WWOX: variants seen among roughly 807,000 people sequenced by gnomAD.
WWOX encodes WW domain containing oxidoreductase.
A neutral mutation model predicts 46.2 loss-of-function variants in WWOX; 69 were observed. The observed-to-expected ratio is 1.49, with a 90% CI of 1.23 to 1.82. The LOEUF (loss-of-function observed/expected upper bound fraction) is 1.82. WWOX is among the 40% of genes most tolerant of loss of function. The pLI is 0.00. For synonymous variants in WWOX, 359 were observed against 202.6 expected (o/e 1.77, Z -6.56); for missense variants, 919 against 542.6 (o/e 1.69, Z -6.89).
chr16:79,080,999 C>G (rs180694182), intron 8 of WWOX, among the ~76,000 whole-genome samples: 2 of 152,116 alleles, frequency 1.3e-5, no homozygotes, highest in African/African-American at 4.8e-5. Context: ...AACACACACA[C>G]GCACATGCAC....
intron 8 of WWOX, among the ~76,000 whole-genome samples, chr16:78,680,250 A>T (rs955867468): frequency 6.6e-6 from 1 of 152,022 alleles, no homozygotes; most frequent in Non-Finnish European, 1.5e-5. Flanking sequence ...CTCTGCAGAA[A>T]ATACAAAAAT....
At chr16:78,683,788 G>T (rs1227135102) in intron 8 of WWOX, among the ~76,000 whole-genome samples, 1 of 152,102 alleles carries the variant, frequency 6.6e-6, no homozygotes, top group South Asian at 2.1e-4. Context: ...GTGATTTAGG[G>T]CATGAAGAGC....
At chr16:78,159,241 A>G (rs557243243) in intron 4 of WWOX, among the ~76,000 whole-genome samples, 3 of 152,064 alleles carry the variant, frequency 2.0e-5, no homozygotes, top group Non-Finnish European at 2.9e-5. Flanking sequence ...TGTCTTGGCT[A>G]GTATGAATAA....
chr16:78,846,364 A>G (rs1185379922), intron 8 of WWOX, among the ~76,000 whole-genome samples: 2 of 152,054 alleles, frequency 1.3e-5, no homozygotes. Flanking sequence ...TTACAACCAG[A>G]TACCACCTGG....
chr16:79,052,533 A>C (rs1212006335), intron 8 of WWOX, among the ~76,000 whole-genome samples: 1 of 152,220 alleles, frequency 6.6e-6, no homozygotes, highest in Non-Finnish European at 1.5e-5. Flanking sequence ...GAACCAACCC[A>C]AATGTCCAAC....
chr16:79,038,965 G>T (rs1025185618), intron 8 of WWOX, among the ~76,000 whole-genome samples: 1 of 151,996 alleles, frequency 6.6e-6, no homozygotes, highest in Non-Finnish European at 1.5e-5. Context: ...GTTGCCCCTA[G>T]GATCATTTTT....
intron 8 of WWOX, among the ~76,000 whole-genome samples, chr16:78,652,537 C>A (rs975586463): frequency 6.6e-6 from 1 of 152,036 alleles, no homozygotes; most frequent in Non-Finnish European, 1.5e-5. Flanking sequence ...GCAGACCCCT[C>A]AGCAGTTGAC....
At position 79,010,209 on chromosome 16, in the gene WWOX, A is replaced by G. The variant is rs573390181; in HGVS notation, c.1057-201399A>G. Among the ~76,000 whole-genome samples, 5 of 152,266 alleles carry G rather than the reference A, an allele frequency of 3.3e-5. 1 individual carries two copies. Among genetic ancestry groups the G allele is most frequent in the African/African-American group, 1.2e-4 (5 of 41,552 alleles). ...TGGCTTCCCCAGGAGGCTTTCACAA[A>G]TGCTTACCGAGCATCTGCTGTGTGC... On this transcript the variant is annotated intron_variant, in intron 8 of 8. Transcript: ENST00000566780.
At chr16:78,499,214 G>C (rs1379946121) in intron 8 of WWOX, among the ~76,000 whole-genome samples, 1 of 152,020 alleles carries the variant, frequency 6.6e-6, no homozygotes, top group Non-Finnish European at 1.5e-5. Flanking sequence ...AGCTCAGTGA[G>C]ATGGCTTTGC....
At chr16:78,236,669 A>G (rs1168086074) in intron 5 of WWOX, among the ~76,000 whole-genome samples, 1 of 152,200 alleles carries the variant, frequency 6.6e-6, no homozygotes, top group African/African-American at 2.4e-5. Context: ...ATGAACCTGT[A>G]TATCAAAAAG....
intron 8 of WWOX, among the ~76,000 whole-genome samples, chr16:78,549,528 T>G (rs908660413): frequency 2.6e-5 from 4 of 152,150 alleles, no homozygotes; most frequent in African/African-American, 7.2e-5. Context: ...CTTCTGTGTG[T>G]CTCCTTTTTG....
rs1248295330 is a variant in WWOX at position 78,261,782 on chromosome 16, ATC to A, written c.516+97495_516+97496del. Among the ~76,000 whole-genome samples, 107 of 43,436 alleles carry A rather than the reference ATC, an allele frequency of 2.5e-3. 1 individual carries two copies. The East Asian group carries it at 0.032, about 13-fold the overall frequency. The allele number at this position is 43,436 out of a possible 152,430, so 28.5% of individuals were successfully genotyped here. A position where few individuals can be genotyped will look rare whatever the true frequency, so the allele number is the denominator to read the frequency against. ...TATCTATCTATCTATGTATCTATCTATCTATCTATATATATATATATATATAT... is the reference window on the plus strand; with the variant it reads ...TATCTATCTATCTATGTATCTATCTATATCTATATATATATATATATATAT... On this transcript the variant is annotated intron_variant, in intron 5 of 8. Transcript: ENST00000566780.
At chr16:78,890,299 T>A (rs927690060) in intron 8 of WWOX, 2 of 140,464 alleles carry the variant, frequency 1.4e-5, no homozygotes, top group African/African-American at 6.6e-5. Context: ...CATATTCTTA[T>A]TTGACCTCTT....
intron 4 of WWOX, among the ~76,000 whole-genome samples, chr16:78,163,909 G>A (rs571793755): frequency 1.3e-5 from 2 of 152,062 alleles, no homozygotes; most frequent in Non-Finnish European, 2.9e-5. Flanking sequence ...TTGACAGTCC[G>A]GGCCAGATGG....
intron 8 of WWOX, among the ~76,000 whole-genome samples, chr16:78,813,854 C>T (rs2051261509): frequency 6.6e-6 from 1 of 152,054 alleles, no homozygotes; most frequent in African/African-American, 2.4e-5. Context: ...TTCAGGCGGT[C>T]AGCACATTTA....
intron 8 of WWOX, among the ~76,000 whole-genome samples, chr16:78,924,563 C>G (rs978350741): frequency 6.6e-5 from 10 of 152,142 alleles, no homozygotes; most frequent in Admixed American, 5.9e-4. Flanking sequence ...AATCCTTCCA[C>G]TGTTGTTAGG....
At chr16:79,177,195 A>G (rs1444360365) in intron 8 of WWOX, among the ~76,000 whole-genome samples, 1 of 152,128 alleles carries the variant, frequency 6.6e-6, no homozygotes, top group African/African-American at 2.4e-5. Context: ...GTGTGAAAAG[A>G]GAGACGTGGC....
At chr16:78,954,569 G>A (rs911068560) in intron 8 of WWOX, among the ~76,000 whole-genome samples, 47 of 152,264 alleles carry the variant, frequency 3.1e-4, no homozygotes, top group African/African-American at 8.9e-4. Flanking sequence ...GAGCAGCAGC[G>A]AAGGCCAAGC....
intron 8 of WWOX, among the ~76,000 whole-genome samples, chr16:78,785,002 A>G (rs1282541099): frequency 6.6e-6 from 1 of 152,202 alleles, no homozygotes; most frequent in African/African-American, 2.4e-5. Flanking sequence ...ACATGAAACC[A>G]GCTCGTAGGT....
Sources: gnomAD v4.1 joint callset for allele counts (sites outside exome capture counted in the v4.1 genomes callset) on GRCh38, gnomAD v4.1.1 for gene constraint, MANE v1.5 for transcripts, NCBI Gene and HGNC (gene_info 2026-07-23, HGNC 2026-07-21) for gene names.